Variants in GPC6 observed in about 807,000 individuals in gnomAD.
The protein encoded by GPC6 is glypican-6.
Under a neutral mutation model 55.2 loss-of-function variants are expected in GPC6, and 14 were observed. The observed-to-expected ratio is 0.25, with a 90% CI of 0.17 to 0.40. GPC6 has a LOEUF of 0.40. Ranked by LOEUF, GPC6 falls within the 10% of genes least tolerant of loss-of-function variation. The pLI is 1.00. For missense variants in GPC6, 641 were observed against 708.5 expected, an observed-to-expected ratio of 0.90 and a Z score of 1.08; for synonymous variants, 278 against 259.6, an observed-to-expected ratio of 1.07 and a Z score of -0.68.
chr13:93,309,892 T>C (rs1430805534), intron 1 of GPC6, among the ~76,000 whole-genome samples: 2 of 152,198 alleles, frequency 1.3e-5, no homozygotes, highest in African/African-American at 4.8e-5. Context: ...ACCTTCTAAA[T>C]TGTTAAGAGC....
intron 3 of GPC6, among the ~76,000 whole-genome samples, chr13:93,928,335 G>GT (rs1443041120): frequency 5.9e-5 from 9 of 152,104 alleles, no homozygotes; most frequent in African/African-American, 1.9e-4. Context: ...ATATCTTAGG[G>GT]TTTTTTGAGT....
intron 3 of GPC6, among the ~76,000 whole-genome samples, chr13:93,967,878 G>T (rs2140391004): frequency 6.6e-6 from 1 of 152,208 alleles, no homozygotes; most frequent in Non-Finnish European, 1.5e-5. Flanking sequence ...TACACACATT[G>T]TAACCCTTTA....
intron 4 of GPC6, among the ~76,000 whole-genome samples, chr13:94,193,290 C>T (rs930689576): frequency 9.2e-5 from 14 of 152,066 alleles, no homozygotes; most frequent in South Asian, 6.2e-4. Flanking sequence ...ACCATAGGAG[C>T]GGTCCAAAGT....
Position 93,718,078 on chromosome 13 carries a change from C to A in GPC6, c.320-112076C>A, listed in dbSNP as rs148308139. Among the ~76,000 whole-genome samples the A allele has an allele frequency of 1.9e-4, 29 of 151,620 alleles. 2 individuals carry two copies. In the East Asian group the frequency reaches 5.5e-3, roughly 29 times the overall value. On this transcript the variant is annotated intron_variant, in intron 2 of 8. Coordinates refer to ENST00000377047, the MANE Select transcript of GPC6 (RefSeq NM_005708.5). ...TAATGCTGCAATAAACATACGTATG[C>A]ATGTGTCTTTATAGTAGAATGATTT... is the stretch of plus-strand genomic sequence containing the variant.
intron 1 of GPC6, among the ~76,000 whole-genome samples, chr13:93,229,579 C>T (rs1400448036): frequency 1.7e-4 from 26 of 152,162 alleles, no homozygotes. Flanking sequence ...TTGTTGAGAA[C>T]ATTCCCAGGG....
Position 94,123,018 on chromosome 13 carries a change from A to G in GPC6, c.877+95124A>G, listed in dbSNP as rs190104095. ...GAATAATGTATTGGCCCTTGCTAAT[A>G]TCTTACTGAAATAGCTCAAACCCAG... On this transcript the variant is annotated intron_variant, in intron 4 of 8. Transcript: ENST00000377047. Among the ~76,000 whole-genome samples the G allele has an allele frequency of 1.5e-3, 225 of 152,252 alleles. 1 individual carries two copies. Among genetic ancestry groups the G allele is most frequent in the African/African-American group, 5.3e-3 (219 of 41,574 alleles).
chr13:94,303,010 G>T (rs1033218001), intron 5 of GPC6, among the ~76,000 whole-genome samples: 1 of 152,238 alleles, frequency 6.6e-6, no homozygotes, highest in Non-Finnish European at 1.5e-5. Flanking sequence ...CACCTCGCTG[G>T]ATCAGGAGCA....
chr13:93,963,276 G>A (rs1434873101), intron 3 of GPC6, among the ~76,000 whole-genome samples: 1 of 151,756 alleles, frequency 6.6e-6, no homozygotes, highest in Non-Finnish European at 1.5e-5. Context: ...TTCTGCAATG[G>A]CCACACATAT....
chr13:93,674,038 A>T (rs527987784), intron 2 of GPC6, among the ~76,000 whole-genome samples: 39 of 152,206 alleles, frequency 2.6e-4, no homozygotes, highest in African/African-American at 8.9e-4. Flanking sequence ...ATTAGCAGAC[A>T]GCCACTGGCA....
intron 3 of GPC6, among the ~76,000 whole-genome samples, chr13:93,920,433 T>G (rs532547843): frequency 2.8e-4 from 43 of 152,314 alleles, no homozygotes; most frequent in African/African-American, 9.9e-4. Context: ...AGCTTCATTC[T>G]AATATTCTGA....
intron 3 of GPC6, among the ~76,000 whole-genome samples, chr13:93,834,346 A>C (rs1227688362): frequency 2.0e-5 from 3 of 152,232 alleles, no homozygotes; most frequent in Non-Finnish European, 4.4e-5. Flanking sequence ...ACATCAAGTC[A>C]TCTAAAATAC....
At chr13:94,228,805 A>AAC (rs1890634892) in intron 4 of GPC6, among the ~76,000 whole-genome samples, 1 of 151,812 alleles carries the variant, frequency 6.6e-6, no homozygotes, top group African/African-American at 2.4e-5. Flanking sequence ...TTTAAAAAAA[A>AAC]AAAAAAAGTC....
intron 2 of GPC6, among the ~76,000 whole-genome samples, chr13:93,758,426 C>T (rs944503976): frequency 6.6e-6 from 1 of 152,132 alleles, no homozygotes; most frequent in Non-Finnish European, 1.5e-5. Context: ...TCTTTCCTCT[C>T]TCTCCCTGTC....
chr13:93,460,671 A>G (rs541095398), intron 1 of GPC6, among the ~76,000 whole-genome samples: 1 of 152,320 alleles, frequency 6.6e-6, no homozygotes, highest in East Asian at 1.9e-4. Flanking sequence ...CATGAAAGTG[A>G]CGAGTCAATA....
intron 4 of GPC6, among the ~76,000 whole-genome samples, chr13:94,043,795 G>A (rs1883628226): frequency 6.6e-6 from 1 of 151,762 alleles, no homozygotes; most frequent in African/African-American, 2.4e-5. Flanking sequence ...ACCAGCGAGA[G>A]CACAGTATTT....
intron 4 of GPC6, among the ~76,000 whole-genome samples, chr13:94,189,969 C>T (rs1459209389): frequency 1.3e-5 from 2 of 148,742 alleles, no homozygotes; most frequent in Non-Finnish European, 3.0e-5. Flanking sequence ...TGCAGTGATC[C>T]GAGATCACGC....
intron 3 of GPC6, among the ~76,000 whole-genome samples, chr13:94,002,221 A>G (rs1881837277): frequency 6.6e-6 from 1 of 152,100 alleles, no homozygotes; most frequent in Non-Finnish European, 1.5e-5. Context: ...GTCAGAGCCT[A>G]TAGTTAGAAA....
chr13:94,285,943 T>C (rs1892517964), intron 4 of GPC6, among the ~76,000 whole-genome samples: 1 of 152,212 alleles, frequency 6.6e-6, no homozygotes. Context: ...TCTTGACTTT[T>C]GTGCATCCAA....
At chr13:94,097,288 G>A (rs1885697665) in intron 4 of GPC6, among the ~76,000 whole-genome samples, 2 of 152,036 alleles carry the variant, frequency 1.3e-5, no homozygotes, top group Admixed American at 6.6e-5. Flanking sequence ...GGATCACGAG[G>A]TCAGGAGATC....
Sources: allele counts gnomAD v4.1 joint callset (sites outside exome capture counted in the v4.1 genomes callset), GRCh38; gene constraint gnomAD v4.1.1; transcripts MANE v1.5; gene names NCBI Gene and HGNC (gene_info 2026-07-23, HGNC 2026-07-21).